The following ANKRD17 variants were observed in gnomAD, a reference collection of about 807,000 sequenced individuals.
ANKRD17 encodes the protein ankyrin repeat domain 17.
In ANKRD17, 19 loss-of-function variants were observed where a neutral mutation model predicts 229.7. The ratio of observed to expected loss-of-function variants is 0.08; its 90% CI spans 0.06 to 0.12. The LOEUF is 0.12. Among genes scored for constraint, ANKRD17 ranks in the 10% least tolerant of loss-of-function variants. ANKRD17 has a pLI of 1.00. For missense variants in ANKRD17, 2,176 were observed against 3,176.8 expected (o/e 0.68, Z 7.57); for synonymous variants, 1,112 against 1,146.1 (o/e 0.97, Z 0.60).
intron 7 of ANKRD17, among the ~76,000 whole-genome samples, chr4:73,150,732 T>C (rs1416815367): frequency 1.3e-5 from 2 of 152,172 alleles, no homozygotes; most frequent in African/African-American, 4.8e-5. Flanking sequence ...TTTCTACCGC[T>C]GGCCTGTTCT....
intron 26 of ANKRD17, 139 bp downstream of exon 26, chr4:73,097,934 C>G (rs1723501073): frequency 1.6e-6 from 1 of 639,634 alleles, no homozygotes; most frequent in Non-Finnish European, 2.5e-6. Context: ...TTCTTCAATT[C>G]AATTGAAACA....
chr4:73,100,318 G>A (rs1395890451), intron 25 of ANKRD17, among the ~76,000 whole-genome samples: 2 of 152,070 alleles, frequency 1.3e-5, no homozygotes, highest in Non-Finnish European at 2.9e-5. Context: ...GGATGCTGCA[G>A]CAGAGTGAGC....
At chr4:73,098,967 G>C in intron 25 of ANKRD17, 2 of 986,638 alleles carry the variant, frequency 2.0e-6, no homozygotes, top group Non-Finnish European at 3.3e-6. Context: ...AAGGAGCCCA[G>C]TGAAGTGCCA....
At chr4:73,109,427 G>A (rs1018671164) in intron 24 of ANKRD17, among the ~76,000 whole-genome samples, 7 of 152,078 alleles carry the variant, frequency 4.6e-5, no homozygotes, top group African/African-American at 1.4e-4. Flanking sequence ...TCTCATTAAA[G>A]GTAAAGAAGA....
chr4:73,136,359 T>A (rs1044555765), intron 15 of ANKRD17, among the ~76,000 whole-genome samples: 4 of 152,156 alleles, frequency 2.6e-5, no homozygotes, highest in African/African-American at 4.8e-5. Context: ...GAGATTATGA[T>A]CCTGTCAAGA....
chr4:73,254,595 C>T (rs1745296748), intron 1 of ANKRD17, among the ~76,000 whole-genome samples: 2 of 152,024 alleles, frequency 1.3e-5, no homozygotes, highest in South Asian at 4.1e-4. Context: ...TGGTGAAACC[C>T]TGTCTCTAAT....
At chr4:73,154,747 A>C (rs1578209489) in intron 5 of ANKRD17, among the ~76,000 whole-genome samples, 1 of 152,236 alleles carries the variant, frequency 6.6e-6, no homozygotes, top group East Asian at 1.9e-4. Flanking sequence ...ACCTTAAAAA[A>C]CATTTAATAA....
intron 8 of ANKRD17, 71 bp downstream of exon 8, chr4:73,148,742 A>G: frequency 7.1e-7 from 1 of 1,406,598 alleles, no homozygotes. Context: ...AAATACTAAA[A>G]TCCAATTTTA....
chr4:73,257,861 T>C (rs1745597470), intron 1 of ANKRD17, among the ~76,000 whole-genome samples: 1 of 152,034 alleles, frequency 6.6e-6, no homozygotes, highest in African/African-American at 2.4e-5. Context: ...AACCTCCTAG[T>C]TGGTCCCCAA....
At chr4:73,202,370 T>C (rs940538556) in intron 1 of ANKRD17, among the ~76,000 whole-genome samples, 3 of 135,438 alleles carry the variant, frequency 2.2e-5, no homozygotes, top group East Asian at 2.1e-4. Context: ...AAGTCTTACT[T>C]AGTTCAGGAG....
At chr4:73,143,135 GAAT>G (rs1230807457) in intron 11 of ANKRD17, among the ~76,000 whole-genome samples, 1 of 152,088 alleles carries the variant, frequency 6.6e-6, no homozygotes, top group African/African-American at 2.4e-5. Flanking sequence ...AAAGATGACT[GAAT>G]AAAAATAAAC....
chr4:73,251,753 TA>T (rs1331890453), intron 1 of ANKRD17, among the ~76,000 whole-genome samples: 13 of 152,176 alleles, frequency 8.5e-5, no homozygotes, highest in Admixed American at 5.9e-4. Context: ...ATTATCCTTA[TA>T]AAAATTCAGA....
chr4:73,214,177 C>T (rs755533898), intron 1 of ANKRD17, among the ~76,000 whole-genome samples: 1 of 152,048 alleles, frequency 6.6e-6, no homozygotes, highest in African/African-American at 2.4e-5. Context: ...GGTTTTTCTC[C>T]GGCTCTTTAA....
At chr4:73,082,003 A>T (rs1290787704) in intron 30 of ANKRD17, among the ~76,000 whole-genome samples, 1 of 152,124 alleles carries the variant, frequency 6.6e-6, no homozygotes, top group Non-Finnish European at 1.5e-5. Context: ...TTAACAAATT[A>T]GCCAAGCATG....
intron 1 of ANKRD17, among the ~76,000 whole-genome samples, chr4:73,182,198 T>C (rs1398716840): frequency 6.6e-6 from 1 of 150,630 alleles, no homozygotes; most frequent in Non-Finnish European, 1.5e-5. Context: ...ATGTATTCTC[T>C]AAGGGGGGAA....
At chr4:73,199,709 C>CCAAGTA (rs940042726) in intron 1 of ANKRD17, among the ~76,000 whole-genome samples, 1 of 152,120 alleles carries the variant, frequency 6.6e-6, no homozygotes, top group African/African-American at 2.4e-5. Flanking sequence ...ATTTTCTTAT[C>CCAAGTA]CAAGTATTGT....
At chr4:73,111,638 ATAT>A (rs1725332872) in intron 24 of ANKRD17, among the ~76,000 whole-genome samples, 1 of 152,230 alleles carries the variant, frequency 6.6e-6, no homozygotes, top group South Asian at 2.1e-4. Context: ...GTTTATTACA[ATAT>A]TATTTGTCGT....
chr4:73,150,622 C>T (rs999856686), intron 7 of ANKRD17, among the ~76,000 whole-genome samples: 1 of 152,130 alleles, frequency 6.6e-6, no homozygotes, highest in African/African-American at 2.4e-5. Flanking sequence ...TAAATGGCTA[C>T]CTCATATTTT....
At chr4:73,241,126 T>C (rs943858958) in intron 1 of ANKRD17, among the ~76,000 whole-genome samples, 31 of 152,074 alleles carry the variant, frequency 2.0e-4, no homozygotes, top group Non-Finnish European at 3.5e-4. Flanking sequence ...TCAGTACTTA[T>C]AAAGATGTAT....
Sources: gnomAD v4.1 joint callset for allele counts (sites outside exome capture counted in the v4.1 genomes callset) on GRCh38, gnomAD v4.1.1 for gene constraint, MANE v1.5 for transcripts, NCBI Gene and HGNC (gene_info 2026-07-23, HGNC 2026-07-21) for gene names.